Variants in RALGPS1 observed in about 807,000 individuals in gnomAD.
RALGPS1 encodes the protein Ral GEF with PH domain and SH3 binding motif 1.
RALGPS1 carries 19 observed loss-of-function variants against 78.8 expected under a neutral mutation model. The ratio of observed to expected loss-of-function variants is 0.24; its 90% CI spans 0.17 to 0.35. RALGPS1 has a LOEUF of 0.35. Among genes scored for constraint, RALGPS1 ranks in the 10% least tolerant of loss-of-function variants. The probability of loss-of-function intolerance (pLI) is 1.00; values close to 1 mark genes in which losing one functional copy is unlikely to be tolerated. For missense variants in RALGPS1, 454 were observed against 688.3 expected, an observed-to-expected ratio of 0.66 and a Z score of 3.81; for synonymous variants, 228 against 256.3, an observed-to-expected ratio of 0.89 and a Z score of 1.06.
At chr9:127,128,975 C>T (rs2056821716) in intron 8 of RALGPS1, among the ~76,000 whole-genome samples, 1 of 152,208 alleles carries the variant, frequency 6.6e-6, no homozygotes, top group South Asian at 2.1e-4. Context: ...TGTGACTTCT[C>T]AACTCACTTG....
Position 126,939,437 on chromosome 9 carries a change from C to A in RALGPS1, c.-65-22788C>A, listed in dbSNP as rs945296731. On this transcript the variant is annotated intron_variant, in intron 1 of 18. Transcript: ENST00000259351. ...TGTATCCCATGCCAGGCACTGTGAT[C>A]AACACTTATTGCACAGAGATGGCTT... Among the ~76,000 whole-genome samples the A allele has an allele frequency of 3.9e-5, 6 of 152,212 alleles. 1 individual carries two copies. Among genetic ancestry groups the A allele is most frequent in the African/African-American group, 1.4e-4 (6 of 41,458 alleles).
chr9:127,104,793 T>G (rs1032650511), intron 8 of RALGPS1, among the ~76,000 whole-genome samples: 2 of 152,238 alleles, frequency 1.3e-5, no homozygotes, highest in African/African-American at 4.8e-5. Context: ...GTGAAAGGTT[T>G]GGAAGCTGCC....
chr9:126,978,893 C>G (rs1212310500), intron 4 of RALGPS1, among the ~76,000 whole-genome samples: 1 of 152,170 alleles, frequency 6.6e-6, no homozygotes. Flanking sequence ...GTGTCCAATG[C>G]TGGTCCAGTC....
At chr9:127,024,733 T>C (rs571545743) in intron 4 of RALGPS1, among the ~76,000 whole-genome samples, 8 of 152,198 alleles carry the variant, frequency 5.3e-5, no homozygotes, top group Non-Finnish European at 5.9e-5. Flanking sequence ...ACTGGGTATG[T>C]ATTATATGTT....
chr9:127,204,682 G>T (rs117454305), intron 14 of RALGPS1, among the ~76,000 whole-genome samples: 1 of 152,152 alleles, frequency 6.6e-6, no homozygotes, highest in African/African-American at 2.4e-5. Flanking sequence ...GCTGTAGGGC[G>T]TTCAGGGAGT....
chr9:127,010,585 G>A (rs959221338), intron 4 of RALGPS1, among the ~76,000 whole-genome samples: 4 of 152,136 alleles, frequency 2.6e-5, no homozygotes, highest in Admixed American at 2.6e-4. Flanking sequence ...TTGCCTCTTG[G>A]GGCCCTTCTG....
intron 4 of RALGPS1, among the ~76,000 whole-genome samples, chr9:126,989,257 A>C (rs1175052712): frequency 6.6e-6 from 1 of 152,114 alleles, no homozygotes; most frequent in Non-Finnish European, 1.5e-5. Flanking sequence ...TGAAGGTGTG[A>C]TGGCAGTGCC....
chr9:127,070,834 A>C (rs1183648665), intron 8 of RALGPS1, among the ~76,000 whole-genome samples: 1 of 151,900 alleles, frequency 6.6e-6, no homozygotes, highest in Non-Finnish European at 1.5e-5. Flanking sequence ...TTCTTTCATG[A>C]GCATTGTTTA....
chr9:127,125,008 CTGGTGGCATTGGGCAGTCAAAAT>C (rs953413572), intron 8 of RALGPS1, among the ~76,000 whole-genome samples: 7 of 152,114 alleles, frequency 4.6e-5, no homozygotes, highest in Non-Finnish European at 7.4e-5. Context: ...TCCCGCCCCA[CTGGTGGCATTGGGCAGTCAAAAT>C]TGGTGGCATT....
chr9:127,006,305 A>G (rs1427352130), intron 4 of RALGPS1, among the ~76,000 whole-genome samples: 3 of 152,202 alleles, frequency 2.0e-5, no homozygotes, highest in Non-Finnish European at 4.4e-5. Flanking sequence ...TCAGGGACTT[A>G]AGAAAAAAGA....
intron 11 of RALGPS1, among the ~76,000 whole-genome samples, chr9:127,182,410 C>T (rs2060321234): frequency 7.2e-6 from 1 of 139,374 alleles, no homozygotes; most frequent in African/African-American, 2.7e-5. Context: ...TCCTTCCTCC[C>T]TTCCTTCCTC....
chr9:127,068,113 A>G (rs1421140163), intron 7 of RALGPS1, among the ~76,000 whole-genome samples: 4 of 152,352 alleles, frequency 2.6e-5, no homozygotes, highest in African/African-American at 9.6e-5. Context: ...ATCTCTGACT[A>G]GGGATACCTG....
At chr9:127,190,731 A>G (rs1564759448) in intron 11 of RALGPS1, among the ~76,000 whole-genome samples, 1 of 152,136 alleles carries the variant, frequency 6.6e-6, no homozygotes, top group Non-Finnish European at 1.5e-5. Flanking sequence ...CTCCTCGTGT[A>G]TATATGCAGG....
At chr9:126,923,838 T>G (rs2035009139) in intron 1 of RALGPS1, among the ~76,000 whole-genome samples, 2 of 152,240 alleles carry the variant, frequency 1.3e-5, no homozygotes, top group South Asian at 4.1e-4. Flanking sequence ...CAACCTTTTT[T>G]GGTAAGATTA....
rs2059984670 is a variant in RALGPS1, at chr9:127,178,065, C to T, written c.910+3283C>T. Reference sequence around the variant, plus strand: ...CCAGGGTCCTGGGGAGGGTGGAGCCCTAGGCTAAAGGGCATGGGGAAGAAG... The same window carrying T: ...CCAGGGTCCTGGGGAGGGTGGAGCCTTAGGCTAAAGGGCATGGGGAAGAAG... On this transcript the variant is annotated intron_variant, in intron 11 of 18. Transcript: ENST00000259351. 2.1e-6 allele frequency: 3 copies of T among 1,424,332 alleles called. No individual in the cohort carries two copies. In the Admixed American group the frequency reaches 6.2e-5, roughly 30 times the overall value. The allele number at this position is 1,424,332 out of a possible 1,614,324, so 88.2% of individuals were successfully genotyped here.
intron 4 of RALGPS1, among the ~76,000 whole-genome samples, chr9:127,032,842 A>G (rs1447258812): frequency 1.3e-5 from 2 of 152,198 alleles, no homozygotes; most frequent in African/African-American, 2.4e-5. Context: ...ATAAAAATTA[A>G]AAAAAGAAAC....
chr9:127,003,703 TA>T (rs973539300), intron 4 of RALGPS1, among the ~76,000 whole-genome samples: 23 of 151,480 alleles, frequency 1.5e-4, no homozygotes, highest in Non-Finnish European at 3.1e-4. Context: ...TCTTTTTTTT[TA>T]AAATTATTTT....
At chr9:127,100,755 A>G (rs1428315749) in intron 8 of RALGPS1, among the ~76,000 whole-genome samples, 1 of 152,212 alleles carries the variant, frequency 6.6e-6, no homozygotes, top group Non-Finnish European at 1.5e-5. Context: ...CAATCCACAG[A>G]TATGGACAGG....
chr9:127,119,709 G>A (rs139924549), intron 8 of RALGPS1, among the ~76,000 whole-genome samples: 1 of 152,228 alleles, frequency 6.6e-6, no homozygotes, highest in African/African-American at 2.4e-5. Context: ...TGCTCTGCCC[G>A]TGAGCTTCAG....
Sources: gnomAD v4.1 joint callset for allele counts (sites outside exome capture counted in the v4.1 genomes callset) on GRCh38, gnomAD v4.1.1 for gene constraint, MANE v1.5 for transcripts, NCBI Gene and HGNC (gene_info 2026-07-23, HGNC 2026-07-21) for gene names.